WTAP: variants seen among roughly 807,000 people sequenced by gnomAD.
WTAP encodes the protein WT1 associated protein, also known as pre-mRNA-splicing regulator WTAP.
Under a neutral mutation model 50.0 loss-of-function variants are expected in WTAP, and 8 were observed. The ratio of observed to expected loss-of-function variants is 0.16; its 90% confidence interval spans 0.09 to 0.29. WTAP has a LOEUF of 0.29. WTAP is among the 10% of genes least tolerant of loss of function. WTAP has a pLI of 1.00. For missense variants in WTAP, 295 were observed against 470.7 expected, an observed-to-expected ratio of 0.63 and a Z score of 3.45; for synonymous variants, 194 against 169.0, an observed-to-expected ratio of 1.15 and a Z score of -1.15.
At chr6:159,727,408 T>TGGCGCTGGCCTGC, upstream of WTAP, 2 of 553,382 alleles carry the variant, frequency 3.6e-6, no homozygotes, top group Non-Finnish European at 4.6e-6. Context: ...CGGGAGGCAG[T>TGGCGCTGGCCTGC]GGCGCTGGCC....
At chr6:159,753,708 ATTG>A (rs1184482924) in intron 7 of WTAP, 94 bp downstream of exon 7, 13 of 1,425,102 alleles carry the variant, frequency 9.1e-6, no homozygotes, top group South Asian at 5.6e-5. Flanking sequence ...GATTCTGTAC[ATTG>A]TTAACCTCTG....
Position 159,727,600 on chromosome 6 carries a change from A to G in WTAP, c.-112A>G, listed in dbSNP as rs1322602481. On this transcript the variant is annotated 5_prime_UTR_variant, in exon 1 of 8. Coordinates refer to ENST00000621533, the MANE Select transcript of WTAP (RefSeq NM_001270531.2). ...AGGAGCGCGGCGGGGCCGGCGGCAG[A>G]GCTGTCCGGCTGCGCGGTGGCCCGG... 2.0e-6 allele frequency: 2 copies of G among 986,166 alleles called. No homozygotes were observed. Among genetic ancestry groups the G allele is most frequent in the Non-Finnish European group, 2.4e-6 (2 of 830,760 alleles). 61.1% of individuals were successfully genotyped at this position (986,166 alleles called of 1,614,324 possible). A position where few individuals can be genotyped will look rare whatever the true frequency, so the allele number is the denominator to read the frequency against.
chr6:159,727,023 AGC>A (rs1778208367), upstream of WTAP: 1 of 1,237,326 alleles, frequency 8.1e-7, no homozygotes, highest in Non-Finnish European at 1.0e-6. Context: ...GCAGCCCCGC[AGC>A]CGCAGGTGGC....
chr6:159,727,374 TGGCGGGA>T (rs71033554), upstream of WTAP: 29,774 of 1,033,108 alleles, frequency 0.029, 785 homozygotes, highest in South Asian at 0.042. Flanking sequence ...GCGGGGAGGC[TGGCGGGA>T]GGCGGGAGGC....
intron 6 of WTAP, among the ~76,000 whole-genome samples, chr6:159,752,161 A>T (rs112256449): frequency 5.4e-4 from 83 of 152,314 alleles, no homozygotes; most frequent in African/African-American, 1.9e-3. Context: ...CTTATAAGGC[A>T]TACTGAAGTA....
intron 1 of WTAP, among the ~76,000 whole-genome samples, chr6:159,732,752 C>T (rs550593340): frequency 7.9e-5 from 12 of 151,800 alleles, no homozygotes; most frequent in Non-Finnish European, 1.8e-4. Flanking sequence ...TGAATCCAGG[C>T]GGTGGAGGTT....
At chr6:159,732,232 A>G (rs979507684) in intron 1 of WTAP, among the ~76,000 whole-genome samples, 1 of 152,230 alleles carries the variant, frequency 6.6e-6, no homozygotes, top group African/African-American at 2.4e-5. Context: ...ACCAACTATA[A>G]TAACTTTTAT....
chr6:159,731,854 T>G (rs1035940422), intron 1 of WTAP, among the ~76,000 whole-genome samples: 6 of 152,246 alleles, frequency 3.9e-5, no homozygotes, highest in African/African-American at 1.2e-4. Flanking sequence ...ATCAGAACTT[T>G]CTTCATGTGT....
At chr6:159,731,488 G>A (rs1435140197) in intron 1 of WTAP, among the ~76,000 whole-genome samples, 4 of 152,126 alleles carry the variant, frequency 2.6e-5, no homozygotes, top group Non-Finnish European at 5.9e-5. Context: ...AGGAAAAAAA[G>A]AAAATTTAAG....
intron 2 of WTAP, 134 bp downstream of exon 2, chr6:159,736,429 A>G (rs1331606041): frequency 1.1e-5 from 8 of 715,230 alleles, no homozygotes; most frequent in African/African-American, 1.8e-5. Flanking sequence ...CTTTATAACA[A>G]TAATAGCATT....
At chr6:159,744,623 GTATTT>G (rs1349940333) in intron 5 of WTAP, among the ~76,000 whole-genome samples, 2 of 152,144 alleles carry the variant, frequency 1.3e-5, no homozygotes, top group East Asian at 3.8e-4. Flanking sequence ...ACAAAAGCAC[GTATTT>G]ACTCTTCTTT....
At chr6:159,739,971 A>G (rs1779151050) in intron 3 of WTAP, among the ~76,000 whole-genome samples, 1 of 151,778 alleles carries the variant, frequency 6.6e-6, no homozygotes, top group African/African-American at 2.4e-5. Flanking sequence ...GTATATACTT[A>G]AGATACACTA....
chr6:159,731,143 A>G (rs1251737068), intron 1 of WTAP, among the ~76,000 whole-genome samples: 1 of 151,172 alleles, frequency 6.6e-6, no homozygotes, highest in Non-Finnish European at 1.5e-5. Context: ...TACGTCTCAA[A>G]AAAAAGAAAA....
rs1260459983 is a variant in WTAP at position 159,755,393 on chromosome 6, G to A, written c.973G>A (p.Gly325Ser). ...NSSEERTGRG[G>S]SGYVNQLSAG... ...CTCAGAGGAGAGAACTGGCAGAGGAGGTAGTGGTTACGTAAATCAACTCAG... is the reference window on the plus strand; with the variant it reads ...CTCAGAGGAGAGAACTGGCAGAGGAAGTAGTGGTTACGTAAATCAACTCAG... The change falls in exon 8 of 8, where the codon GGT (glycine) becomes AGT (serine). Residue 325 changes from glycine to serine, a missense_variant. Gly to Ser is a moderately conservative substitution (Grantham distance 56). This residue lies in a region of WTAP where 175 missense variants were observed against 183.1 expected (regional missense o/e 0.96). Transcript: ENST00000621533. 6.2e-7 allele frequency: 1 copy of A among 1,614,224 alleles called. No individual in the cohort carries two copies. The highest frequency in any genetic ancestry group is 8.5e-7 in the Non-Finnish European group (1 of 1,180,038).
Position 159,727,602 on chromosome 6 carries a change from C to G in WTAP, c.-110C>G, listed in dbSNP as rs2114852206. The G allele has an allele frequency of 1.0e-6, 1 of 986,480 alleles. No individual in the cohort carries two copies. The highest frequency in any genetic ancestry group is 1.7e-5 in the African/African-American group (1 of 57,266). 61.1% of individuals were successfully genotyped at this position (986,480 alleles called of 1,614,324 possible). On this transcript the variant is annotated 5_prime_UTR_variant, in exon 1 of 8. Coordinates refer to ENST00000621533, the MANE Select transcript of WTAP (RefSeq NM_001270531.2). The stretch of plus-strand genomic sequence containing the variant: ...GAGCGCGGCGGGGCCGGCGGCAGAG[C>G]TGTCCGGCTGCGCGGTGGCCCGGGG...
At chr6:159,743,534 T>G (rs1165796486) in intron 4 of WTAP, 131 bp from the exon 5 acceptor site, 19 of 867,690 alleles carry the variant, frequency 2.2e-5, no homozygotes, top group Non-Finnish European at 3.0e-5. Context: ...GAAATTCGCC[T>G]GTTATAAAAG....
intron 3 of WTAP, among the ~76,000 whole-genome samples, chr6:159,741,197 A>C (rs545154283): frequency 3.9e-4 from 60 of 152,258 alleles, no homozygotes; most frequent in African/African-American, 1.3e-3. Context: ...CTTTATTGCT[A>C]AGAGGACCTA....
intron 2 of WTAP, among the ~76,000 whole-genome samples, chr6:159,736,990 T>C (rs1003358948): frequency 6.6e-6 from 1 of 152,230 alleles, no homozygotes; most frequent in African/African-American, 2.4e-5. Context: ...ATTAAATGAA[T>C]AAAGGATTGT....
chr6:159,735,199 C>T lies in WTAP; in HGVS notation c.-8-1059C>T, dbSNP rs575737547. 1.6e-4 allele frequency among the ~76,000 whole-genome samples: 24 copies of T among 152,280 alleles called. No individual in the cohort carries two copies. In the South Asian group the frequency reaches 3.5e-3, roughly 22 times the overall value. ...TGTTGCCCAGGCTGGAATGCAGTGG[C>T]GCGCCATCTCGGCTCACTGCAACCT... On this transcript the variant is annotated intron_variant, in intron 1 of 7. Coordinates refer to ENST00000621533, the MANE Select transcript of WTAP (RefSeq NM_001270531.2).
Sources: gnomAD v4.1 joint callset for allele counts (sites outside exome capture counted in the v4.1 genomes callset) on GRCh38, gnomAD v4.1.1 for gene constraint, gnomAD v4.1.1 regional missense constraint, MANE v1.5 for transcripts, NCBI Gene and HGNC (gene_info 2026-07-23, HGNC 2026-07-21) for gene names.